The following SCN2A variants were observed in gnomAD, a reference collection of about 807,000 sequenced individuals.
The protein encoded by SCN2A is sodium voltage-gated channel alpha subunit 2, also known as sodium channel protein type 2 subunit alpha.
Under a neutral mutation model 188.7 loss-of-function variants are expected in SCN2A, and 20 were observed. The observed-to-expected ratio is 0.11, with a 90% CI of 0.07 to 0.15. The LOEUF is 0.15. SCN2A is among the 10% of genes least tolerant of loss of function. The probability of loss-of-function intolerance (pLI) is 1.00; values close to 1 mark genes in which losing one functional copy is unlikely to be tolerated. For synonymous variants in SCN2A, 804 were observed against 833.1 expected (o/e 0.97, Z 0.60); for missense variants, 1,278 against 2,445.0 (o/e 0.52, Z 10.07).
chr2:165,388,513 AT>A, intron 26 of SCN2A, 115 bp from the exon 27 acceptor site: 1 of 1,371,370 alleles, frequency 7.3e-7, no homozygotes. Flanking sequence ...TTATTTGCAT[AT>A]ATACATGTAC....
intron 1 of SCN2A, among the ~76,000 whole-genome samples, chr2:165,242,082 A>G (rs1693648758): frequency 6.6e-6 from 1 of 152,056 alleles, no homozygotes; most frequent in Non-Finnish European, 1.5e-5. Flanking sequence ...AGGATAATGA[A>G]TTTGGCTTTT....
chr2:165,315,840 C>A, intron 11 of SCN2A, 82 bp downstream of exon 11: 1 of 1,465,418 alleles, frequency 6.8e-7, no homozygotes, highest in Non-Finnish European at 9.4e-7. Context: ...AGAAAACCGC[C>A]TTCCACCTGG....
intron 1 of SCN2A, among the ~76,000 whole-genome samples, chr2:165,243,095 A>C (rs1303434122): frequency 6.6e-6 from 1 of 152,216 alleles, no homozygotes; most frequent in Non-Finnish European, 1.5e-5. Flanking sequence ...AAGCTTTTAC[A>C]TACTTCAGTT....
chr2:165,317,558 A>G (rs910980663), intron 11 of SCN2A, among the ~76,000 whole-genome samples: 1 of 152,146 alleles, frequency 6.6e-6, no homozygotes, highest in Non-Finnish European at 1.5e-5. Context: ...CTTACCACAG[A>G]GATTCTCTTC....
In SCN2A at chr2:165,296,010, C is replaced by T. The variant is rs1064797259; in HGVS notation, c.187C>T (p.Pro63Ser). Reference protein sequence around the residue: ...NSDLEAGKSLPFIYGDIPPEM... With the variant: ...NSDLEAGKSLSFIYGDIPPEM... ...TGACTTGGAAGCAGGAAAATCTCTT[C>T]CATTTATTTATGGAGACATTCCTCC... is the stretch of plus-strand genomic sequence containing the variant. Residue 63 changes from proline (P) to serine (S), a missense_variant, in exon 2 of 27, where the codon CCA (proline) becomes TCA (serine). Physicochemically the swap from Pro to Ser is moderately conservative, Grantham distance 74. Coordinates refer to ENST00000375437, the MANE Select transcript of SCN2A (RefSeq NM_001040142.2). 6.2e-7 allele frequency: 1 copy of T among 1,614,132 alleles called. No individual in the cohort carries two copies. The highest frequency in any genetic ancestry group is 8.5e-7 in the Non-Finnish European group (1 of 1,180,012).
intron 1 of SCN2A, chr2:165,240,911 T>C (rs990821019): frequency 4.6e-5 from 7 of 152,112 alleles, no homozygotes; most frequent in Non-Finnish European, 1.5e-5. Context: ...ACATGGAGAT[T>C]TTTAGAATTA....
At chr2:165,362,277 A>G (rs1700498992) in intron 17 of SCN2A, among the ~76,000 whole-genome samples, 1 of 152,074 alleles carries the variant, frequency 6.6e-6, no homozygotes, top group African/African-American at 2.4e-5. Flanking sequence ...TTAATTCTAC[A>G]TCAGAACTAA....
intron 10 of SCN2A, among the ~76,000 whole-genome samples, chr2:165,314,829 A>T (rs1279886891): frequency 6.6e-6 from 1 of 152,170 alleles, no homozygotes; most frequent in Non-Finnish European, 1.5e-5. Context: ...CCCTTTTATT[A>T]CCGAGTATTC....
At chr2:165,309,599 G>C (rs550493463) in intron 6 of SCN2A, among the ~76,000 whole-genome samples, 156 bp downstream of exon 6, 1 of 152,126 alleles carries the variant, frequency 6.6e-6, no homozygotes, top group Admixed American at 6.6e-5. Context: ...TTGATTCTTT[G>C]CTTTTTACTC....
At chr2:165,299,173 G>T (rs902804341) in intron 3 of SCN2A, among the ~76,000 whole-genome samples, 3 of 152,056 alleles carry the variant, frequency 2.0e-5, no homozygotes, top group Non-Finnish European at 4.4e-5. Flanking sequence ...GACTCCTGGT[G>T]GTAGAGGGTA....
intron 14 of SCN2A, among the ~76,000 whole-genome samples, chr2:165,334,225 T>C (rs1698853656): frequency 6.6e-6 from 1 of 151,718 alleles, no homozygotes; most frequent in Non-Finnish European, 1.5e-5. Context: ...CTTAACAAAC[T>C]GTTCCAACAC....
chr2:165,295,680 C>A, intron 1 of SCN2A, 93 bp from the exon 2 acceptor site: 2 of 1,181,878 alleles, frequency 1.7e-6, no homozygotes, highest in East Asian at 2.5e-5. Flanking sequence ...ATCTGAGTTT[C>A]TATGCTGTAT....
At position 165,291,494 on chromosome 2, in the gene SCN2A, T is replaced by TTTCTTTCTTTCTTTCTTTCTTTC. The variant is rs1559340326; in HGVS notation, c.-51-4279_-51-4278insTTCTTTCTTTCTTTCTTTCTTTC. Reference sequence around the variant, plus strand: ...TCTTTCTTTCTTTCTTTCTTTCTTTTCTTTCTTTCTTTCTTTCTTCCTCTC... The same window carrying TTTCTTTCTTTCTTTCTTTCTTTC: ...TCTTTCTTTCTTTCTTTCTTTCTTTTTTCTTTCTTTCTTTCTTTCTTTCCTTTCTTTCTTTCTTTCTTCCTCTC... On this transcript the variant is annotated intron_variant, in intron 1 of 26. Transcript: ENST00000375437. Among the ~76,000 whole-genome samples the TTTCTTTCTTTCTTTCTTTCTTTC allele has an allele frequency of 1.3e-3, 47 of 36,620 alleles. 1 individual carries two copies. The highest frequency in any genetic ancestry group is 1.6e-3 in the Non-Finnish European group (26 of 16,562). The allele number at this position is 36,620 out of a possible 152,430, so 24.0% of individuals were successfully genotyped here. A position where few individuals can be genotyped will look rare whatever the true frequency, so the allele number is the denominator to read the frequency against.
At chr2:165,269,270 A>T (rs557366202) in intron 1 of SCN2A, 24 of 152,184 alleles carry the variant, frequency 1.6e-4, no homozygotes, top group Admixed American at 1.4e-3. Flanking sequence ...TTAATTGTCA[A>T]TTAAATATAA....
At chr2:165,367,943 C>T (rs1426447894) in intron 19 of SCN2A, among the ~76,000 whole-genome samples, 1 of 152,168 alleles carries the variant, frequency 6.6e-6, no homozygotes, top group Non-Finnish European at 1.5e-5. Context: ...TTACAGTGCC[C>T]TTTTAGCTTT....
At chr2:165,358,278 T>G (rs1700281325) in intron 17 of SCN2A, among the ~76,000 whole-genome samples, 1 of 152,150 alleles carries the variant, frequency 6.6e-6, no homozygotes, top group African/African-American at 2.4e-5. Context: ...GTCTTGACAG[T>G]TTTTTATTTA....
chr2:165,308,917 T>C (rs1285286451), intron 5 of SCN2A, 123 bp downstream of exon 5: 2 of 1,311,218 alleles, frequency 1.5e-6, no homozygotes, highest in Non-Finnish European at 2.1e-6. Flanking sequence ...ATAGTTTTCT[T>C]CCAATCAAAT....
At chr2:165,313,872 A>G in intron 9 of SCN2A, 30 bp from the exon 10 acceptor site, 2 of 1,612,966 alleles carry the variant, frequency 1.2e-6, no homozygotes, top group East Asian at 2.2e-5. Flanking sequence ...CCTATATAAA[A>G]TTTATTAAAA....
At chr2:165,365,116 G>A (rs767975923) in intron 17 of SCN2A, 27 bp from the exon 18 acceptor site, 21 of 1,598,834 alleles carry the variant, frequency 1.3e-5, no homozygotes, top group Non-Finnish European at 1.8e-5. Context: ...ATAATTAAAT[G>A]TGTTTTTTTG....
Sources: allele counts gnomAD v4.1 joint callset (sites outside exome capture counted in the v4.1 genomes callset), GRCh38; gene constraint gnomAD v4.1.1; transcripts MANE v1.5; gene names NCBI Gene and HGNC (gene_info 2026-07-23, HGNC 2026-07-21).